PDGFC: variants seen among roughly 807,000 people sequenced by gnomAD.
PDGFC encodes platelet derived growth factor C.
Under a neutral mutation model 35.5 loss-of-function variants are expected in PDGFC, and 12 were observed. The observed-to-expected ratio is 0.34, with a 90% confidence interval of 0.22 to 0.55. The LOEUF is 0.55. Ranked by LOEUF, PDGFC falls within the 20% of genes least tolerant of loss-of-function variation. PDGFC has a pLI of 0.91. For synonymous variants in PDGFC, 159 were observed against 148.8 expected, an observed-to-expected ratio of 1.07 and a Z score of -0.50; for missense variants, 322 against 412.4, an observed-to-expected ratio of 0.78 and a Z score of 1.90.
At chr4:156,771,456 G>A (rs1730691030) in intron 4 of PDGFC, among the ~76,000 whole-genome samples, 2 of 152,174 alleles carry the variant, frequency 1.3e-5, no homozygotes, top group South Asian at 2.1e-4. Context: ...TTGCTCGTAA[G>A]TTATTCATCA....
intron 3 of PDGFC, chr4:156,773,715 G>A (rs1014574481): frequency 1.3e-5 from 2 of 152,178 alleles, no homozygotes; most frequent in African/African-American, 4.8e-5. Context: ...AGATGGGCAA[G>A]AATTTTAAAA....
At chr4:156,837,421 C>CT (rs375550269) in intron 2 of PDGFC, among the ~76,000 whole-genome samples, 88 of 148,752 alleles carry the variant, frequency 5.9e-4, no homozygotes, top group Middle Eastern at 3.5e-3. Flanking sequence ...ATTGCCATTG[C>CT]TTTTTTTTTT....
At chr4:156,849,992 A>G (rs968250376) in intron 2 of PDGFC, among the ~76,000 whole-genome samples, 3 of 152,088 alleles carry the variant, frequency 2.0e-5, no homozygotes, top group African/African-American at 7.2e-5. Flanking sequence ...AAATTATATT[A>G]AATAATTTTA....
At chr4:156,862,375 T>C (rs1257459818) in intron 1 of PDGFC, among the ~76,000 whole-genome samples, 1 of 152,168 alleles carries the variant, frequency 6.6e-6, no homozygotes, top group African/African-American at 2.4e-5. Context: ...AGGCATGAGG[T>C]ACCTCTTGAA....
chr4:156,792,897 C>T lies in PDGFC; in HGVS notation c.495+17940G>A, dbSNP rs577343863. ...AGGGTATGAAGGAAACCCTCACCTT[C>T]ACCTCCGCATATTGCCATTGGCACC... On this transcript the variant is annotated intron_variant, in intron 3 of 5. Transcript: ENST00000502773. 2.0e-4 allele frequency among the ~76,000 whole-genome samples: 31 copies of T among 152,264 alleles called. No homozygotes were observed. In the South Asian group the frequency reaches 5.0e-3, roughly 24 times the overall value.
intron 2 of PDGFC, among the ~76,000 whole-genome samples, chr4:156,843,128 A>T (rs1729244656): frequency 6.6e-6 from 1 of 152,122 alleles, no homozygotes; most frequent in Non-Finnish European, 1.5e-5. Flanking sequence ...TGGTATTTGA[A>T]GGTAGGGTAT....
At chr4:156,935,234 G>A (rs1731649651) in intron 1 of PDGFC, among the ~76,000 whole-genome samples, 1 of 152,152 alleles carries the variant, frequency 6.6e-6, no homozygotes, top group East Asian at 1.9e-4. Flanking sequence ...TTGACCTCAT[G>A]ACCTGCCCGC....
chr4:156,970,952 G>T lies in PDGFC; in HGVS notation c.-49C>A. On this transcript the variant is annotated 5_prime_UTR_variant, in exon 1 of 6. In the 5' UTR this introduces an upstream ATG that the reference lacks. Coordinates refer to ENST00000502773, the MANE Select transcript of PDGFC (RefSeq NM_016205.3). The stretch of plus-strand genomic sequence containing the variant: ...ACTCACGGCGGGCACTTTGGAAGCA[G>T]CGACTCCCGAGTCTCTTTCACCACC... 8.1e-7 allele frequency: 1 copy of T among 1,230,520 alleles called. No homozygotes were observed. Among genetic ancestry groups the T allele is most frequent in the Non-Finnish European group, 1.2e-6 (1 of 837,582 alleles). The allele number at this position is 1,230,520 out of a possible 1,614,324, so 76.2% of individuals were successfully genotyped here. A position where few individuals can be genotyped will look rare whatever the true frequency, so the allele number is the denominator to read the frequency against.
At chr4:156,783,476 G>C (rs1441676594) in intron 3 of PDGFC, among the ~76,000 whole-genome samples, 1 of 152,124 alleles carries the variant, frequency 6.6e-6, no homozygotes, top group Non-Finnish European at 1.5e-5. Flanking sequence ...TGCTCCTGAT[G>C]TTGCCCTTTG....
At chr4:156,866,007 C>A (rs1273994787) in intron 1 of PDGFC, among the ~76,000 whole-genome samples, 1 of 151,980 alleles carries the variant, frequency 6.6e-6, no homozygotes, top group African/African-American at 2.4e-5. Context: ...GCACAACGTG[C>A]AGGTTTGTTA....
At chr4:156,836,862 A>G (rs1466118753) in intron 2 of PDGFC, among the ~76,000 whole-genome samples, 2 of 152,232 alleles carry the variant, frequency 1.3e-5, no homozygotes, top group Admixed American at 1.3e-4. Flanking sequence ...AAATAAAATA[A>G]CAATGAAAAA....
At position 156,781,030 on chromosome 4, in the gene PDGFC, T is replaced by G. The variant is rs184792477; in HGVS notation, c.496-8137A>C. On this transcript the variant is annotated intron_variant, in intron 3 of 5. Coordinates refer to ENST00000502773, the MANE Select transcript of PDGFC (RefSeq NM_016205.3). ...CTGCTTGGACCTTTTCTAGTTTCTG[T>G]CTACATGCTTCCCCTTGGTGATCTT... is the stretch of plus-strand genomic sequence containing the variant. Among the ~76,000 whole-genome samples, 6 of 152,286 alleles carry G rather than the reference T, an allele frequency of 3.9e-5. No individual in the cohort carries two copies. The East Asian group carries it at 1.2e-3, about 29-fold the overall frequency.
At chr4:156,773,452 T>G (rs985997427) in intron 3 of PDGFC, among the ~76,000 whole-genome samples, 1 of 152,124 alleles carries the variant, frequency 6.6e-6, no homozygotes, top group Non-Finnish European at 1.5e-5. Flanking sequence ...TAATATAAAA[T>G]GCCTAATAAA....
At chr4:156,825,596 GAA>G (rs1560828428) in intron 2 of PDGFC, among the ~76,000 whole-genome samples, 7 of 72,852 alleles carry the variant, frequency 9.6e-5, no homozygotes, top group African/African-American at 3.5e-4. Flanking sequence ...ATAATAATAA[GAA>G]GAAGAAGAAG....
intron 3 of PDGFC, among the ~76,000 whole-genome samples, chr4:156,786,759 G>A (rs1731138794): frequency 6.6e-6 from 1 of 152,108 alleles, no homozygotes; most frequent in Non-Finnish European, 1.5e-5. Flanking sequence ...ATCATTCATT[G>A]TTTAGCTGAA....
intron 5 of PDGFC, among the ~76,000 whole-genome samples, chr4:156,763,727 A>C (rs1730446427): frequency 6.6e-6 from 1 of 152,200 alleles, no homozygotes; most frequent in Admixed American, 6.5e-5. Flanking sequence ...CTACACTTCA[A>C]GTCCTCTATA....
chr4:156,900,216 T>G (rs959485904), intron 1 of PDGFC, among the ~76,000 whole-genome samples: 2 of 152,202 alleles, frequency 1.3e-5, no homozygotes, highest in African/African-American at 4.8e-5. Flanking sequence ...CCAGTTTTAA[T>G]TCTCTCTTTT....
intron 1 of PDGFC, among the ~76,000 whole-genome samples, chr4:156,872,396 TA>T (rs896082833): frequency 1.3e-5 from 2 of 152,170 alleles, no homozygotes; most frequent in African/African-American, 4.8e-5. Flanking sequence ...TAGCAAACAT[TA>T]TTGGTGGTAT....
At chr4:156,946,613 T>C (rs1159098833) in intron 1 of PDGFC, among the ~76,000 whole-genome samples, 1 of 151,874 alleles carries the variant, frequency 6.6e-6, no homozygotes, top group Non-Finnish European at 1.5e-5. Flanking sequence ...TTCTCCAGAG[T>C]TTATCTATTT....
Sources: allele counts gnomAD v4.1 joint callset (sites outside exome capture counted in the v4.1 genomes callset), GRCh38; gene constraint gnomAD v4.1.1; transcripts MANE v1.5; gene names NCBI Gene and HGNC (gene_info 2026-07-23, HGNC 2026-07-21).